Variants in RBFOX1 observed in about 807,000 individuals in gnomAD.
RBFOX1 encodes RNA binding fox-1 homolog 1.
A neutral mutation model predicts 57.7 loss-of-function variants in RBFOX1; 8 were observed. The ratio of observed to expected loss-of-function variants is 0.14; its 90% CI spans 0.08 to 0.25. The LOEUF (loss-of-function observed/expected upper bound fraction) is 0.25, where lower values mean the gene tolerates loss of function less well. Among genes scored for constraint, RBFOX1 ranks in the 10% least tolerant of loss-of-function variants. The probability of loss-of-function intolerance (pLI) is 1.00; values close to 1 mark genes in which losing one functional copy is unlikely to be tolerated. For synonymous variants in RBFOX1, 326 were observed against 222.4 expected, an observed-to-expected ratio of 1.47 and a Z score of -4.15; for missense variants, 611 against 548.5, an observed-to-expected ratio of 1.11 and a Z score of -1.14.
chr16:6,295,283 C>G (rs9933272), intron 1 of RBFOX1, among the ~76,000 whole-genome samples: 7,204 of 152,126 alleles, frequency 0.047, 206 homozygotes, highest in Middle Eastern at 0.12. Flanking sequence ...ACCACCACAC[C>G]CAGCAAATTG....
At chr16:5,256,463 G>C (rs1229494846) in intron 1 of RBFOX1, among the ~76,000 whole-genome samples, 2 of 152,208 alleles carry the variant, frequency 1.3e-5, no homozygotes, top group East Asian at 3.9e-4. Context: ...CTGGAAAGTG[G>C]GATTGGAAAC....
intron 4 of RBFOX1, among the ~76,000 whole-genome samples, chr16:7,073,942 C>T (rs1289839911): frequency 1.3e-5 from 2 of 152,076 alleles, no homozygotes; most frequent in Admixed American, 6.6e-5. Flanking sequence ...TGGCAAGCCA[C>T]AGTTTATGAG....
intron 4 of RBFOX1, among the ~76,000 whole-genome samples, chr16:6,004,824 A>G (rs1466256772): frequency 6.6e-6 from 1 of 152,154 alleles, no homozygotes. Context: ...TGACATTTGA[A>G]TGTCCTTTCT....
intron 2 of RBFOX1, among the ~76,000 whole-genome samples, chr16:6,630,228 G>A (rs567302905): frequency 1.3e-5 from 2 of 152,230 alleles, no homozygotes; most frequent in South Asian, 2.1e-4. Context: ...AGAGAGGGAT[G>A]GAAGATGCTT....
At chr16:5,532,004 T>C (rs2044497563) in intron 2 of RBFOX1, among the ~76,000 whole-genome samples, 1 of 152,200 alleles carries the variant, frequency 6.6e-6, no homozygotes, top group Non-Finnish European at 1.5e-5. Flanking sequence ...TTCACCTTGT[T>C]GGCCAGGCTG....
intron 2 of RBFOX1, among the ~76,000 whole-genome samples, chr16:6,637,749 A>G (rs1484620559): frequency 1.3e-5 from 2 of 151,860 alleles, no homozygotes; most frequent in Non-Finnish European, 2.9e-5. Flanking sequence ...ATACATCTAC[A>G]TCTCTTCAAG....
At chr16:6,973,593 T>C (rs1208360555) in intron 3 of RBFOX1, among the ~76,000 whole-genome samples, 1 of 152,118 alleles carries the variant, frequency 6.6e-6, no homozygotes, top group African/African-American at 2.4e-5. Flanking sequence ...TTGTAAATGG[T>C]GAGGACTTTT....
At chr16:5,819,792 T>C (rs1417823276) in intron 3 of RBFOX1, among the ~76,000 whole-genome samples, 1 of 152,226 alleles carries the variant, frequency 6.6e-6, no homozygotes, top group Non-Finnish European at 1.5e-5. Flanking sequence ...GAGCACTTTC[T>C]TTACATGCTA....
intron 3 of RBFOX1, among the ~76,000 whole-genome samples, chr16:6,745,812 G>A (rs563960338): frequency 1.3e-5 from 2 of 152,136 alleles, no homozygotes; most frequent in African/African-American, 2.4e-5. Flanking sequence ...GGAGGTAAAA[G>A]GCATCTGTTT....
At chr16:6,719,929 C>G (rs931804717) in intron 3 of RBFOX1, among the ~76,000 whole-genome samples, 2 of 151,702 alleles carry the variant, frequency 1.3e-5, no homozygotes, top group African/African-American at 4.8e-5. Context: ...CCCATCTCTA[C>G]TAAAAATACA....
At position 6,064,968 on chromosome 16, in the gene RBFOX1, T is replaced by TA. The variant is rs574707361; in HGVS notation, c.-127+44986dup. Among the ~76,000 whole-genome samples, 71 of 148,396 alleles carry TA rather than the reference T, an allele frequency of 4.8e-4. No homozygotes were observed. In the South Asian group the frequency reaches 5.6e-3, roughly 12 times the overall value. On this transcript the variant is annotated intron_variant, in intron 1 of 15. Coordinates refer to ENST00000550418, the MANE Select transcript of RBFOX1 (RefSeq NM_018723.4). The stretch of plus-strand genomic sequence containing the variant: ...AGACCCAGTATCTGTAATTAAAAAT[T>TA]AAAAAAAAAACCTCCCTACGTGACT...
chr16:6,499,445 G>T (rs574171737), intron 2 of RBFOX1, among the ~76,000 whole-genome samples: 1 of 152,126 alleles, frequency 6.6e-6, no homozygotes, highest in South Asian at 2.1e-4. Flanking sequence ...CCCATTGTAG[G>T]TTAAGTGGGT....
At chr16:5,289,084 C>T (rs1424897544) in intron 1 of RBFOX1, 1 of 164,844 alleles carries the variant, frequency 6.1e-6, no homozygotes, top group African/African-American at 2.4e-5. Context: ...GAGATCGTGC[C>T]ACTGCCCTCC....
intron 3 of RBFOX1, among the ~76,000 whole-genome samples, chr16:6,968,855 C>G (rs540240383): frequency 2.0e-5 from 3 of 150,550 alleles, no homozygotes; most frequent in Admixed American, 2.0e-4. Context: ...TGCAGGTCTT[C>G]TGGCAGCTGA....
intron 2 of RBFOX1, among the ~76,000 whole-genome samples, chr16:5,480,733 C>T (rs745834659): frequency 2.0e-5 from 3 of 152,140 alleles, no homozygotes; most frequent in Non-Finnish European, 4.4e-5. Flanking sequence ...TTCCCTTTGT[C>T]TTGTATCTTG....
intron 2 of RBFOX1, among the ~76,000 whole-genome samples, chr16:6,541,692 A>T (rs1224069054): frequency 6.6e-6 from 1 of 152,194 alleles, no homozygotes; most frequent in East Asian, 1.9e-4. Context: ...TTCTGGGCAA[A>T]TGCTGTAGGT....
intron 4 of RBFOX1, among the ~76,000 whole-genome samples, chr16:7,417,376 G>GAAAA (rs59413133): frequency 1.5e-5 from 2 of 134,682 alleles, no homozygotes; most frequent in Non-Finnish European, 3.1e-5. Context: ...CTGTGTCAAA[G>GAAAA]AAAAAAAAAA....
intron 3 of RBFOX1, among the ~76,000 whole-genome samples, chr16:5,724,448 G>A (rs2052056978): frequency 6.6e-6 from 1 of 152,134 alleles, no homozygotes; most frequent in South Asian, 2.1e-4. Context: ...ATGTCTTCGT[G>A]AAATGGCATA....
chr16:6,929,310 A>G (rs1221645637), intron 3 of RBFOX1, among the ~76,000 whole-genome samples: 1 of 152,172 alleles, frequency 6.6e-6, no homozygotes, highest in Non-Finnish European at 1.5e-5. Context: ...TAAATGGAAG[A>G]GGGGTTTACC....
Sources: allele counts gnomAD v4.1 joint callset (sites outside exome capture counted in the v4.1 genomes callset), GRCh38; gene constraint gnomAD v4.1.1; transcripts MANE v1.5; gene names NCBI Gene and HGNC (gene_info 2026-07-23, HGNC 2026-07-21).